Variants in MACROD2 observed in about 807,000 individuals in gnomAD.
MACROD2 encodes the protein mono-ADP ribosylhydrolase 2.
In MACROD2, 36 loss-of-function variants were observed where a neutral mutation model predicts 70.4. The ratio of observed to expected loss-of-function variants is 0.51; its 90% confidence interval spans 0.39 to 0.68. The LOEUF (loss-of-function observed/expected upper bound fraction) is 0.68. Among genes scored for constraint, MACROD2 ranks in the 30% least tolerant of loss-of-function variants. The probability of loss-of-function intolerance (pLI) is 0.00; values close to 1 mark genes in which losing one functional copy is unlikely to be tolerated. For synonymous variants in MACROD2, 172 were observed against 178.8 expected (o/e 0.96, Z 0.30); for missense variants, 496 against 538.4 (o/e 0.92, Z 0.78).
intron 8 of MACROD2, among the ~76,000 whole-genome samples, chr20:15,822,687 G>A (rs2063952148): frequency 6.6e-6 from 1 of 152,040 alleles, no homozygotes. Context: ...ATAGAGAGAA[G>A]ACCAACTGTG....
intron 5 of MACROD2, among the ~76,000 whole-genome samples, chr20:15,020,792 C>G (rs1018337883): frequency 6.6e-6 from 1 of 151,784 alleles, no homozygotes; most frequent in Non-Finnish European, 1.5e-5. Context: ...AAACATCCAG[C>G]AAAAATACAG....
Position 14,390,217 on chromosome 20 carries a change from G to A in MACROD2, c.272-103262G>A, listed in dbSNP as rs542619866. 2.6e-5 allele frequency among the ~76,000 whole-genome samples: 4 copies of A among 152,194 alleles called. No homozygotes were observed. In the South Asian group the frequency reaches 8.3e-4, roughly 32 times the overall value. ...AGTTGAAATATCTCTACAAGGAGAA[G>A]TATAAACCATTGCTCAAAGAAATCA... On this transcript the variant is annotated intron_variant, in intron 3 of 17. Coordinates refer to ENST00000684519, the MANE Select transcript of MACROD2 (RefSeq NM_001351661.2).
chr20:14,701,322 T>C (rs1308266711), intron 5 of MACROD2, among the ~76,000 whole-genome samples: 1 of 152,168 alleles, frequency 6.6e-6, no homozygotes, highest in Non-Finnish European at 1.5e-5. Context: ...CTTTTCATTC[T>C]ATCCTGAGTA....
intron 3 of MACROD2, among the ~76,000 whole-genome samples, chr20:14,342,387 CA>C (rs1488348213): frequency 1.3e-5 from 2 of 152,012 alleles, no homozygotes; most frequent in Non-Finnish European, 2.9e-5. Context: ...TTAAAATTGC[CA>C]AAACATCTTT....
At chr20:14,271,243 C>T (rs1464304139) in intron 3 of MACROD2, among the ~76,000 whole-genome samples, 1 of 152,182 alleles carries the variant, frequency 6.6e-6, no homozygotes, top group Non-Finnish European at 1.5e-5. Flanking sequence ...GAGGCACCCC[C>T]CAGTAGGGGC....
At chr20:14,207,033 C>T (rs184181866) in intron 3 of MACROD2, among the ~76,000 whole-genome samples, 24 of 151,730 alleles carry the variant, frequency 1.6e-4, no homozygotes, top group East Asian at 1.9e-4. Context: ...TTGTACTTAG[C>T]GAATATCAGA....
In MACROD2 at chr20:14,684,824, T is replaced by G; in HGVS notation, c.302-19T>G. On this transcript the variant is annotated intron_variant, in intron 4 of 17. Coordinates refer to ENST00000684519, the MANE Select transcript of MACROD2 (RefSeq NM_001351661.2). ...TTCCAAATGCCAAATATAAGCTAAC[T>G]TTCTTCTTTCTCCCTTAGTGGATGG... The G allele has an allele frequency of 6.2e-7, 1 of 1,600,934 alleles. No individual in the cohort carries two copies. The highest frequency in any genetic ancestry group is 8.6e-7 in the Non-Finnish European group (1 of 1,168,722).
At chr20:14,981,417 T>A (rs1420087670) in intron 5 of MACROD2, among the ~76,000 whole-genome samples, 1 of 134,628 alleles carries the variant, frequency 7.4e-6, no homozygotes, top group East Asian at 2.2e-4. Flanking sequence ...TACGTGTGTG[T>A]GTATATATGT....
intron 8 of MACROD2, among the ~76,000 whole-genome samples, chr20:15,744,175 T>G (rs941077887): frequency 2.0e-5 from 3 of 152,244 alleles, no homozygotes; most frequent in Non-Finnish European, 2.9e-5. Flanking sequence ...TCAGGCTATT[T>G]TAATTGATTC....
intron 3 of MACROD2, among the ~76,000 whole-genome samples, chr20:14,189,037 T>C (rs535266712): frequency 2.0e-5 from 3 of 152,294 alleles, no homozygotes; most frequent in Admixed American, 2.0e-4. Context: ...AGTAACTCAA[T>C]TGAATGAATG....
chr20:15,828,146 T>C (rs1000306318), intron 8 of MACROD2, among the ~76,000 whole-genome samples: 2 of 152,180 alleles, frequency 1.3e-5, no homozygotes, highest in African/African-American at 4.8e-5. Context: ...ATCACAAAAA[T>C]GATAAGGATA....
intron 5 of MACROD2, among the ~76,000 whole-genome samples, chr20:15,128,280 T>C (rs1347271694): frequency 6.6e-6 from 1 of 152,126 alleles, no homozygotes; most frequent in East Asian, 1.9e-4. Flanking sequence ...AGTCCTACCA[T>C]ATGATGGCTG....
intron 5 of MACROD2, among the ~76,000 whole-genome samples, chr20:15,047,266 A>G (rs756542081): frequency 2.0e-5 from 3 of 152,186 alleles, no homozygotes; most frequent in Non-Finnish European, 4.4e-5. Flanking sequence ...GTGGTGTGCT[A>G]TCTACAGGCT....
At chr20:15,814,467 G>T (rs2063852471) in intron 8 of MACROD2, among the ~76,000 whole-genome samples, 1 of 152,104 alleles carries the variant, frequency 6.6e-6, no homozygotes, top group Admixed American at 6.6e-5. Context: ...GTAAGCTCCA[G>T]TGACCCATTG....
intron 4 of MACROD2, among the ~76,000 whole-genome samples, chr20:14,562,746 C>T (rs1385827175): frequency 6.6e-6 from 1 of 151,858 alleles, no homozygotes; most frequent in Non-Finnish European, 1.5e-5. Flanking sequence ...CTCCTTCTTG[C>T]TGGGTCTCTT....
chr20:15,499,958 G>T, intron 8 of MACROD2, 111 bp downstream of exon 8: 1 of 933,388 alleles, frequency 1.1e-6, no homozygotes, highest in South Asian at 1.5e-5. Flanking sequence ...TAGTCATTGA[G>T]CCAAACCTAG....
intron 3 of MACROD2, among the ~76,000 whole-genome samples, chr20:14,275,941 T>C (rs73612350): frequency 3.3e-5 from 5 of 152,164 alleles, no homozygotes; most frequent in East Asian, 1.9e-4. Context: ...CCATCTCACA[T>C]CAGTTAGAAT....
At chr20:14,076,917 A>C (rs1018697789) in intron 2 of MACROD2, among the ~76,000 whole-genome samples, 22 of 152,330 alleles carry the variant, frequency 1.4e-4, no homozygotes, top group African/African-American at 5.3e-4. Context: ...GTAAACATGC[A>C]CTAACATTGA....
chr20:14,063,102 CTTTATA>C (rs1315129671), intron 2 of MACROD2, among the ~76,000 whole-genome samples: 7 of 151,970 alleles, frequency 4.6e-5, no homozygotes, highest in Non-Finnish European at 2.9e-5. Flanking sequence ...ATAAATAGGT[CTTTATA>C]TTATAGTGTT....
Sources: gnomAD v4.1 joint callset for allele counts (sites outside exome capture counted in the v4.1 genomes callset) on GRCh38, gnomAD v4.1.1 for gene constraint, MANE v1.5 for transcripts, NCBI Gene and HGNC (gene_info 2026-07-23, HGNC 2026-07-21) for gene names.